Variants in PRSS23 observed in about 807,000 individuals in gnomAD.
PRSS23 encodes the protein protease, serine 23.
A neutral mutation model predicts 34.7 loss-of-function variants in PRSS23; 25 were observed. The observed-to-expected ratio is 0.72, with a 90% CI of 0.53 to 1.01. The LOEUF (loss-of-function observed/expected upper bound fraction) is 1.01. Among genes scored for constraint, PRSS23 ranks in the 50% least tolerant of loss-of-function variants. The probability of loss-of-function intolerance (pLI) is 0.00; values close to 1 mark genes in which losing one functional copy is unlikely to be tolerated. For synonymous variants in PRSS23, 176 were observed against 186.6 expected, an observed-to-expected ratio of 0.94 and a Z score of 0.46; for missense variants, 445 against 475.6, an observed-to-expected ratio of 0.94 and a Z score of 0.60.
At chr11:86,900,792 T>C (rs866446617) in intron 2 of PRSS23, among the ~76,000 whole-genome samples, 29 of 145,300 alleles carry the variant, frequency 2.0e-4, no homozygotes, top group Middle Eastern at 3.4e-3. Context: ...TTTTTTTTTT[T>C]TTTTTTTTTT....
intron 2 of PRSS23, among the ~76,000 whole-genome samples, chr11:86,894,617 C>T (rs372197366): frequency 5.3e-5 from 8 of 152,142 alleles, no homozygotes; most frequent in African/African-American, 1.9e-4. Flanking sequence ...TCATGTCTGG[C>T]AATGTAGGGA....
At chr11:86,858,121 C>T (rs548816087) in intron 2 of PRSS23, among the ~76,000 whole-genome samples, 13 of 152,006 alleles carry the variant, frequency 8.6e-5, no homozygotes, top group African/African-American at 3.1e-4. Flanking sequence ...AACTGTACAC[C>T]CCTGCTGTGA....
intron 2 of PRSS23, chr11:86,949,321 A>G (rs1446516396): frequency 6.6e-6 from 1 of 152,188 alleles, no homozygotes; most frequent in Non-Finnish European, 1.5e-5. Flanking sequence ...CAAATTTTTA[A>G]AAAAGAGGAA....
chr11:86,805,658 G>A lies in PRSS23; in HGVS notation c.-13-1973G>A, dbSNP rs560886660. On this transcript the variant is annotated intron_variant, in intron 1 of 1. Transcript: ENST00000280258. ...CCTATTCTCCCTGACTGAAGTGGAAGCCAAGAGAAAAAGTCAAGCAAAAAG... is the reference window on the plus strand; with the variant it reads ...CCTATTCTCCCTGACTGAAGTGGAAACCAAGAGAAAAAGTCAAGCAAAAAG... 2.6e-5 allele frequency among the ~76,000 whole-genome samples: 4 copies of A among 152,228 alleles called. No homozygotes were observed. In the South Asian group the frequency reaches 8.3e-4, roughly 32 times the overall value.
At chr11:86,917,439 TCTAA>T (rs1949020897) in intron 2 of PRSS23, among the ~76,000 whole-genome samples, 1 of 152,202 alleles carries the variant, frequency 6.6e-6, no homozygotes, top group Non-Finnish European at 1.5e-5. Context: ...CATGAATGGA[TCTAA>T]CTAATATCCA....
In PRSS23 at chr11:86,801,545, C is replaced by T. The variant is rs371485536; in HGVS notation, c.-14+894C>T. ...TCCTGAAACTAAATTTGAGGGCTCC[C>T]TGTGCACTCCTTAGGAACAGGTAGG... On this transcript the variant is annotated intron_variant, in intron 1 of 1. Coordinates refer to ENST00000280258, the MANE Select transcript of PRSS23 (RefSeq NM_007173.6). Among the ~76,000 whole-genome samples, 5 of 152,336 alleles carry T rather than the reference C, an allele frequency of 3.3e-5. No homozygotes were observed. The East Asian group carries it at 7.7e-4, about 24-fold the overall frequency.
chr11:86,823,424 A>C (rs1948268754), exon 2 of PRSS23: 1 of 702,258 alleles, frequency 1.4e-6, no homozygotes. Flanking sequence ...ACCCTGGCCT[A>C]GTCCTCATGC....
At chr11:86,816,565 C>A (rs940376111) in intron 1 of PRSS23, among the ~76,000 whole-genome samples, 2 of 152,180 alleles carry the variant, frequency 1.3e-5, no homozygotes, top group African/African-American at 4.8e-5. Flanking sequence ...TGCTCCACCC[C>A]CAGTTCCCTG....
chr11:86,939,157 T>C (rs1949184104), intron 2 of PRSS23: 1 of 367,518 alleles, frequency 2.7e-6, no homozygotes, highest in African/African-American at 2.1e-5. Context: ...TCACTACTTC[T>C]CAGGATTCCT....
chr11:86,912,506 A>C (rs1366177361), intron 2 of PRSS23, among the ~76,000 whole-genome samples: 1 of 151,982 alleles, frequency 6.6e-6, no homozygotes, highest in African/African-American at 2.4e-5. Context: ...AGTGATTTCT[A>C]CTGACTGCTC....
intron 2 of PRSS23, among the ~76,000 whole-genome samples, chr11:86,914,123 G>A (rs1275561419): frequency 6.6e-6 from 1 of 151,834 alleles, no homozygotes; most frequent in Non-Finnish European, 1.5e-5. Context: ...CTACTCAGGA[G>A]GCTGAAGCAG....
intron 2 of PRSS23, chr11:86,939,094 T>G: frequency 2.4e-6 from 1 of 424,590 alleles, no homozygotes; most frequent in Non-Finnish European, 4.6e-6. Flanking sequence ...TGAGGAATCA[T>G]CAATCAAGAG....
intron 1 of PRSS23, among the ~76,000 whole-genome samples, chr11:86,792,410 T>C (rs1027888780): frequency 7.0e-4 from 107 of 152,312 alleles, no homozygotes; most frequent in African/African-American, 2.5e-3. Flanking sequence ...TTCCCACTGC[T>C]GCTAGACCCT....
At chr11:86,929,158 C>T (rs1380812340) in intron 2 of PRSS23, among the ~76,000 whole-genome samples, 3 of 151,952 alleles carry the variant, frequency 2.0e-5, no homozygotes, top group Non-Finnish European at 4.4e-5. Flanking sequence ...CCCGTCTCTA[C>T]TAAAAACACA....
At chr11:86,843,042 A>C (rs1228839209) in intron 2 of PRSS23, among the ~76,000 whole-genome samples, 1 of 152,228 alleles carries the variant, frequency 6.6e-6, no homozygotes. Flanking sequence ...TATAGTAACC[A>C]AAACAGCATG....
At chr11:86,861,387 A>C (rs994691171) in intron 2 of PRSS23, among the ~76,000 whole-genome samples, 1 of 151,966 alleles carries the variant, frequency 6.6e-6, no homozygotes, top group African/African-American at 2.4e-5. Flanking sequence ...TGCAATATCC[A>C]GGAAGGGAGA....
At chr11:86,806,466 C>T (rs1196979917) in intron 1 of PRSS23, among the ~76,000 whole-genome samples, 4 of 152,196 alleles carry the variant, frequency 2.6e-5, no homozygotes, top group Admixed American at 1.3e-4. Flanking sequence ...GACAGCTCCA[C>T]GGTGTCACCT....
chr11:86,866,621 G>T (rs1482650806), intron 2 of PRSS23, among the ~76,000 whole-genome samples: 2 of 152,184 alleles, frequency 1.3e-5, no homozygotes, highest in East Asian at 3.8e-4. Flanking sequence ...CCATTGCTAT[G>T]ATTTCAATGT....
At chr11:86,806,909 A>G (rs1036252787) in intron 1 of PRSS23, among the ~76,000 whole-genome samples, 24 of 152,374 alleles carry the variant, frequency 1.6e-4, no homozygotes, top group Non-Finnish European at 2.4e-4. Flanking sequence ...AGATCCTGGT[A>G]GTGTACAACA....
Sources: allele counts gnomAD v4.1 joint callset (sites outside exome capture counted in the v4.1 genomes callset), GRCh38; gene constraint gnomAD v4.1.1; transcripts MANE v1.5; gene names NCBI Gene and HGNC (gene_info 2026-07-23, HGNC 2026-07-21).